The following CCSAP variants were observed in gnomAD, a reference collection of about 807,000 sequenced individuals.
The protein encoded by CCSAP is centriole, cilia and spindle associated protein, also known as centriole, cilia and spindle-associated protein.
Under a neutral mutation model 25.9 loss-of-function variants are expected in CCSAP, and 17 were observed. That is an observed-to-expected ratio of 0.66 (90% CI 0.45 to 0.99). CCSAP has a LOEUF of 0.99. Among genes scored for constraint, CCSAP ranks in the 50% least tolerant of loss-of-function variants. The pLI, the probability that CCSAP is intolerant of heterozygous loss-of-function variation, is 0.00. For synonymous variants in CCSAP, 169 were observed against 157.1 expected (o/e 1.08, Z -0.57); for missense variants, 339 against 367.8 (o/e 0.92, Z 0.64).
chr1:229,329,656 G>A (rs1246697144), intron 2 of CCSAP, among the ~76,000 whole-genome samples: 1 of 152,140 alleles, frequency 6.6e-6, no homozygotes, highest in African/African-American at 2.4e-5. Flanking sequence ...AAAACACACC[G>A]ATCAGACCAG....
rs551904118 is a variant in CCSAP, at chr1:229,331,787, T to TTTTTTA, written c.368-4782_368-4781insTAAAAA. 5.8e-3 allele frequency among the ~76,000 whole-genome samples: 812 copies of TTTTTTA among 140,630 alleles called. 11 individuals are homozygous for TTTTTTA. The highest frequency in any genetic ancestry group is 0.032 in the East Asian group (153 of 4,802). 92.3% of individuals were successfully genotyped at this position (140,630 alleles called of 152,430 possible). A position where few individuals can be genotyped will look rare whatever the true frequency, so the allele number is the denominator to read the frequency against. On this transcript the variant is annotated intron_variant, in intron 2 of 3. Transcript: ENST00000284617. ...TCATCTGTGTCCTTTCTAATATCCTTTTATTATTATTATTATTATTATTAT... is the reference window on the plus strand; with the variant it reads ...TCATCTGTGTCCTTTCTAATATCCTTTTTTTATTATTATTATTATTATTATTATTAT...
intron 2 of CCSAP, among the ~76,000 whole-genome samples, chr1:229,336,946 T>C (rs1395664017): frequency 1.3e-5 from 2 of 152,128 alleles, no homozygotes; most frequent in Non-Finnish European, 2.9e-5. Flanking sequence ...GGAAATAACA[T>C]TGAAGGGTTC....
intron 2 of CCSAP, among the ~76,000 whole-genome samples, chr1:229,338,107 T>C (rs1288441420): frequency 2.0e-5 from 3 of 152,094 alleles, no homozygotes; most frequent in Admixed American, 2.0e-4. Context: ...TAGTTAATAT[T>C]GTGGGGATAT....
intron 2 of CCSAP, chr1:229,327,458 TC>T (rs1657966065): frequency 2.2e-6 from 1 of 453,654 alleles, no homozygotes; most frequent in Admixed American, 2.4e-5. Context: ...CCTTAGTCCT[TC>T]CGTGCTCCTC....
chr1:229,337,678 A>AAAAAAAATATATATATATATATAT, intron 2 of CCSAP, among the ~76,000 whole-genome samples: 1 of 65,546 alleles, frequency 1.5e-5, no homozygotes, highest in African/African-American at 6.0e-5. Context: ...CTCAAAAAAA[A>AAAAAAAATATATATATATATATAT]ATATATATAT....
At chr1:229,330,149 A>T (rs1262743139) in intron 2 of CCSAP, among the ~76,000 whole-genome samples, 1 of 152,112 alleles carries the variant, frequency 6.6e-6, no homozygotes, top group Non-Finnish European at 1.5e-5. Flanking sequence ...ACAGACAGAC[A>T]CCATGAGGAC....
chr1:229,325,300 T>C lies in CCSAP; in HGVS notation c.748A>G (p.Lys250Glu). 6.2e-7 allele frequency: 1 copy of C among 1,614,206 alleles called. No individual in the cohort carries two copies. Among genetic ancestry groups the C allele is most frequent in the South Asian group, 1.1e-5 (1 of 91,086 alleles). The change falls in exon 4 of 4, where the codon AAG (lysine) becomes GAG (glutamate). Residue 250 changes from lysine (K) to glutamate (E), a missense_variant. By Grantham distance (56) the Lys-to-Glu change is moderately conservative. Transcript: ENST00000284617. ...CACGGGTTCTCTGAGGAGGAAGCCT[T>C]CATCTTTCTGTTCTTCTCCACATCC... ...SVDVEKNRKM[K>E]ASSSENPWMT...
intron 2 of CCSAP, among the ~76,000 whole-genome samples, chr1:229,340,242 C>T (rs1327752584): frequency 6.6e-6 from 1 of 152,138 alleles, no homozygotes; most frequent in Non-Finnish European, 1.5e-5. Flanking sequence ...GAGGGCCTTA[C>T]GGGTAGGAGC....
At chr1:229,329,633 G>A (rs573722937) in intron 2 of CCSAP, among the ~76,000 whole-genome samples, 2 of 152,320 alleles carry the variant, frequency 1.3e-5, no homozygotes, top group South Asian at 4.1e-4. Flanking sequence ...TAGGGGCAGA[G>A]AGGCCAGTTA....
intron 2 of CCSAP, among the ~76,000 whole-genome samples, chr1:229,330,081 C>G (rs1359105109): frequency 6.9e-6 from 1 of 145,082 alleles, no homozygotes; most frequent in Admixed American, 6.7e-5. Context: ...GGACAGACAA[C>G]AAGGACCCTC....
intron 2 of CCSAP, among the ~76,000 whole-genome samples, chr1:229,333,426 C>A (rs1486466498): frequency 1.8e-5 from 2 of 111,326 alleles, no homozygotes; most frequent in Non-Finnish European, 3.6e-5. Context: ...GAGCGAGACT[C>A]CATCGAAAAA....
At chr1:229,338,997 T>C (rs528109385) in intron 2 of CCSAP, among the ~76,000 whole-genome samples, 34 of 119,598 alleles carry the variant, frequency 2.8e-4, no homozygotes, top group African/African-American at 1.1e-3. Flanking sequence ...AACAAAACAA[T>C]AAAAGATGAA....
chr1:229,335,092 T>C (rs1045091384), intron 2 of CCSAP, among the ~76,000 whole-genome samples: 4 of 152,066 alleles, frequency 2.6e-5, no homozygotes, highest in Admixed American at 2.0e-4. Context: ...GGCGGGAGGA[T>C]TGCTTGAGCT....
chr1:229,342,122 T>TCCCCGG lies in CCSAP; in HGVS notation c.343_344insCCGGGG (p.Glu114_Asp115insAlaGly). The stretch of plus-strand genomic sequence containing the variant: ...ACCTGGCAGAGCCGCGTCCTCCGCG[T>TCCCCGG]CCTCGGCCTCCGCGTCCCCGGCCTC... On this transcript the variant is annotated inframe_insertion, in exon 2 of 4. Coordinates refer to ENST00000284617, the MANE Select transcript of CCSAP (RefSeq NM_145257.5). This position sits in a 1 kb window ranked among gnomAD's most constrained non-coding sequence, Gnocchi z 7.5. The TCCCCGG allele has an allele frequency of 7.4e-7, 1 of 1,343,326 alleles. No homozygotes were observed. The highest frequency in any genetic ancestry group is 9.5e-7 in the Non-Finnish European group (1 of 1,049,144). The allele number at this position is 1,343,326 out of a possible 1,614,324, so 83.2% of individuals were successfully genotyped here.
At position 229,322,143 on chromosome 1, in the gene CCSAP, A is replaced by G. The variant is rs1657840083; in HGVS notation, c.*3092T>C. 6.6e-6 allele frequency: 1 copy of G among 152,164 alleles called. No individual in the cohort carries two copies. Among genetic ancestry groups the G allele is most frequent in the South Asian group, 2.1e-4 (1 of 4,822 alleles). The allele number at this position is 152,164 out of a possible 1,614,324, so 9.4% of individuals were successfully genotyped here. ...AGAGGCGACTGTACCATAACATTCC[A>G]TTTACAAAGTGTGTGCCCAGAACAG... On this transcript the variant is annotated 3_prime_UTR_variant, in exon 4 of 4. Coordinates refer to ENST00000284617, the MANE Select transcript of CCSAP (RefSeq NM_145257.5).
Position 229,322,596 on chromosome 1 carries a change from A to AG in CCSAP, c.*2638dup, listed in dbSNP as rs771263760. On this transcript the variant is annotated 3_prime_UTR_variant, in exon 4 of 4. Coordinates refer to ENST00000284617, the MANE Select transcript of CCSAP (RefSeq NM_145257.5). ...GTGAATAAATGTGCTTAGAAATTTTAGGGGGGAGAACACACATAACATACA... is the reference window on the plus strand; with the variant it reads ...GTGAATAAATGTGCTTAGAAATTTTAGGGGGGGAGAACACACATAACATACA... The AG allele has an allele frequency of 6.6e-6, 1 of 152,184 alleles. No individual in the cohort carries two copies. Among genetic ancestry groups the AG allele is most frequent in the Non-Finnish European group, 1.5e-5 (1 of 68,024 alleles). 9.4% of individuals were successfully genotyped at this position (152,184 alleles called of 1,614,324 possible). A position where few individuals can be genotyped will look rare whatever the true frequency, so the allele number is the denominator to read the frequency against.
chr1:229,330,833 T>TCA (rs566026052), intron 2 of CCSAP, among the ~76,000 whole-genome samples: 20 of 118,218 alleles, frequency 1.7e-4, no homozygotes, highest in African/African-American at 2.7e-4. Context: ...CAACTCCATC[T>TCA]AAAAAAAAAA....
intron 3 of CCSAP, among the ~76,000 whole-genome samples, 197 bp downstream of exon 3, chr1:229,326,541 G>C (rs1311750601): frequency 6.6e-6 from 1 of 152,154 alleles, no homozygotes; most frequent in Non-Finnish European, 1.5e-5. Context: ...CGCTCTGCAG[G>C]CCACCAACAT....
Position 229,324,295 on chromosome 1 carries a change from A to G in CCSAP, c.*940T>C, listed in dbSNP as rs548874785. 28 of 152,574 alleles carry G rather than the reference A, an allele frequency of 1.8e-4. No homozygotes were observed. Among genetic ancestry groups the G allele is most frequent in the Admixed American group, 7.8e-4 (12 of 15,310 alleles). 9.5% of individuals were successfully genotyped at this position (152,574 alleles called of 1,614,324 possible). A position where few individuals can be genotyped will look rare whatever the true frequency, so the allele number is the denominator to read the frequency against. On this transcript the variant is annotated 3_prime_UTR_variant, in exon 4 of 4. Coordinates refer to ENST00000284617, the MANE Select transcript of CCSAP (RefSeq NM_145257.5). ...CATCCCAGTGGAACAAGCAATGCCA[A>G]TGTACCAAGTGCAATTCCAGATTGT...
Sources: allele counts gnomAD v4.1 joint callset (sites outside exome capture counted in the v4.1 genomes callset), GRCh38; gene constraint gnomAD v4.1.1; non-coding constraint Gnocchi (gnomAD v3.1); transcripts MANE v1.5; gene names NCBI Gene and HGNC (gene_info 2026-07-23, HGNC 2026-07-21).